Variants in CNBD1 observed in about 807,000 individuals in gnomAD.
CNBD1 encodes the protein cyclic nucleotide-binding domain-containing protein 1.
CNBD1 carries 71 observed loss-of-function variants against 54.4 expected under a neutral mutation model. That is an observed-to-expected ratio of 1.30 (90% confidence interval 1.08 to 1.59). The LOEUF is 1.59. CNBD1 is among the 40% of genes most tolerant of loss of function. CNBD1 has a pLI of 0.00. For synonymous variants in CNBD1, 182 were observed against 170.7 expected (o/e 1.07, Z -0.51); for missense variants, 659 against 518.0 (o/e 1.27, Z -2.64).
chr8:87,377,895 G>C lies in CNBD1; in HGVS notation c.1304-4725G>C, dbSNP rs1402607918. Among the ~76,000 whole-genome samples the C allele has an allele frequency of 2.6e-5, 4 of 151,118 alleles. 1 individual carries two copies. The highest frequency in any genetic ancestry group is 9.8e-5 in the African/African-American group (4 of 40,696). On this transcript the variant is annotated intron_variant, in intron 10 of 10. Transcript: ENST00000518476. Reference sequence around the variant, plus strand: ...CTGTGGTTTCGATTTGCATTTCTCTGATGGCCAGTGATGATGAGCATTTTT... The same window carrying C: ...CTGTGGTTTCGATTTGCATTTCTCTCATGGCCAGTGATGATGAGCATTTTT...
At chr8:87,038,589 G>T (rs1262755755) in intron 4 of CNBD1, among the ~76,000 whole-genome samples, 1 of 152,108 alleles carries the variant, frequency 6.6e-6, no homozygotes, top group Non-Finnish European at 1.5e-5. Flanking sequence ...AGTAATTATG[G>T]GAGTTACAAA....
At chr8:87,133,521 T>C (rs1812163697) in intron 4 of CNBD1, among the ~76,000 whole-genome samples, 1 of 152,198 alleles carries the variant, frequency 6.6e-6, no homozygotes, top group South Asian at 2.1e-4. Flanking sequence ...TCCCCCATCA[T>C]GGAAAAGTCA....
intron 4 of CNBD1, among the ~76,000 whole-genome samples, chr8:87,164,519 T>C (rs1002940043): frequency 6.6e-6 from 1 of 151,738 alleles, no homozygotes; most frequent in Non-Finnish European, 1.5e-5. Flanking sequence ...GAATCAGTTC[T>C]GGTAGGTTCT....
intron 4 of CNBD1, among the ~76,000 whole-genome samples, chr8:86,977,343 C>A (rs948356157): frequency 2.0e-5 from 3 of 152,024 alleles, no homozygotes; most frequent in Non-Finnish European, 4.4e-5. Context: ...ATATGTCATC[C>A]ACTTGATGGT....
intron 4 of CNBD1, among the ~76,000 whole-genome samples, chr8:87,061,335 A>C (rs914018912): frequency 6.6e-6 from 1 of 152,200 alleles, no homozygotes; most frequent in African/African-American, 2.4e-5. Context: ...TTTGGATTTG[A>C]GTGACCTGAA....
intron 4 of CNBD1, among the ~76,000 whole-genome samples, chr8:87,010,612 G>T (rs1809198316): frequency 6.6e-6 from 1 of 151,992 alleles, no homozygotes; most frequent in African/African-American, 2.4e-5. Context: ...AGGCCTGATG[G>T]TACATGCCTG....
intron 6 of CNBD1, among the ~76,000 whole-genome samples, chr8:87,271,453 T>G (rs1808361334): frequency 6.6e-6 from 1 of 152,014 alleles, no homozygotes; most frequent in African/African-American, 2.4e-5. Context: ...ATGTCAATTT[T>G]CATTTGTTTC....
intron 4 of CNBD1, among the ~76,000 whole-genome samples, chr8:86,998,606 G>A (rs1808929982): frequency 6.6e-6 from 1 of 152,102 alleles, no homozygotes; most frequent in Non-Finnish European, 1.5e-5. Flanking sequence ...TGATTATGGG[G>A]CTACAAATAA....
chr8:87,074,005 G>A (rs1484139588), intron 4 of CNBD1, among the ~76,000 whole-genome samples: 1 of 151,874 alleles, frequency 6.6e-6, no homozygotes, highest in Non-Finnish European at 1.5e-5. Flanking sequence ...GGAGGCTGAG[G>A]CAGGAGAATG....
chr8:86,956,818 T>C (rs950116290), intron 4 of CNBD1, among the ~76,000 whole-genome samples: 1 of 152,218 alleles, frequency 6.6e-6, no homozygotes, highest in Non-Finnish European at 1.5e-5. Context: ...GAATACCCTC[T>C]ATTTCTTTCT....
chr8:87,238,572 T>TA (rs552248048), intron 6 of CNBD1, among the ~76,000 whole-genome samples: 126 of 152,094 alleles, frequency 8.3e-4, no homozygotes, highest in African/African-American at 2.8e-3. Flanking sequence ...AAAATAATAA[T>TA]AAAAAAATAC....
At chr8:87,330,244 T>TTTTTTC (rs1809795602) in intron 8 of CNBD1, among the ~76,000 whole-genome samples, 1 of 151,062 alleles carries the variant, frequency 6.6e-6, no homozygotes, top group African/African-American at 2.4e-5. Flanking sequence ...TTTTTTTTTT[T>TTTTTTC]CAGTTAGCCT....
chr8:87,243,698 A>C (rs1458203535), intron 6 of CNBD1, among the ~76,000 whole-genome samples: 1 of 152,256 alleles, frequency 6.6e-6, no homozygotes, highest in Non-Finnish European at 1.5e-5. Flanking sequence ...CAACTAGAAA[A>C]ATAAGTTTTC....
intron 2 of CNBD1, among the ~76,000 whole-genome samples, chr8:87,411,532 G>T (rs566515942): frequency 1.3e-5 from 2 of 149,544 alleles, no homozygotes; most frequent in East Asian, 4.0e-4. Context: ...CCATTTCTTG[G>T]AAATATGTTA....
At chr8:87,200,317 C>A (rs1281186955) in intron 4 of CNBD1, among the ~76,000 whole-genome samples, 1 of 152,022 alleles carries the variant, frequency 6.6e-6, no homozygotes, top group Admixed American at 6.6e-5. Flanking sequence ...AGTCAGTGTT[C>A]AAATTAGAAG....
At chr8:87,007,069 C>T (rs977944745) in intron 4 of CNBD1, among the ~76,000 whole-genome samples, 11 of 152,018 alleles carry the variant, frequency 7.2e-5, no homozygotes, top group East Asian at 1.9e-4. Context: ...TGGTGGTGGG[C>T]GCCTGTAATC....
intron 4 of CNBD1, among the ~76,000 whole-genome samples, chr8:87,020,034 T>A (rs1809450705): frequency 6.6e-6 from 1 of 152,194 alleles, no homozygotes; most frequent in Non-Finnish European, 1.5e-5. Flanking sequence ...GGGTTTTTTC[T>A]GGCTCATTAG....
chr8:86,882,604 AGT>A (rs1808621772), intron 1 of CNBD1, among the ~76,000 whole-genome samples: 1 of 152,216 alleles, frequency 6.6e-6, no homozygotes, highest in South Asian at 2.1e-4. Flanking sequence ...TGTGGAAGAC[AGT>A]GTGGCAATTC....
At chr8:87,121,460 G>A (rs529065700) in intron 4 of CNBD1, among the ~76,000 whole-genome samples, 1 of 151,750 alleles carries the variant, frequency 6.6e-6, no homozygotes, top group South Asian at 2.1e-4. Context: ...ATGCAATGTA[G>A]GATAATTAAT....
Sources: allele counts gnomAD v4.1 joint callset (sites outside exome capture counted in the v4.1 genomes callset), GRCh38; gene constraint gnomAD v4.1.1; transcripts MANE v1.5; gene names NCBI Gene and HGNC (gene_info 2026-07-23, HGNC 2026-07-21).